Variants in TTC9 observed in about 807,000 individuals in gnomAD.
TTC9 encodes tetratricopeptide repeat protein 9A.
TTC9 carries 13 observed loss-of-function variants against 22.9 expected under a neutral mutation model. The observed-to-expected ratio is 0.57, with a 90% CI of 0.37 to 0.90. The LOEUF (loss-of-function observed/expected upper bound fraction) is 0.90, where lower values mean the gene tolerates loss of function less well. Ranked by LOEUF, TTC9 falls within the 40% of genes least tolerant of loss-of-function variation. The pLI, the probability that TTC9 is intolerant of heterozygous loss-of-function variation, is 0.01. For missense variants in TTC9, 280 were observed against 291.8 expected (o/e 0.96, Z 0.29); for synonymous variants, 148 against 133.2 (o/e 1.11, Z -0.77).
intron 2 of TTC9, among the ~76,000 whole-genome samples, chr14:70,669,618 A>T: frequency 6.6e-6 from 1 of 151,668 alleles, no homozygotes; most frequent in African/African-American, 2.4e-5. Context: ...TCCTTTCAAA[A>T]GTCTTTAAAA....
chr14:70,647,206 C>T (rs1261309540), intron 1 of TTC9, among the ~76,000 whole-genome samples: 1 of 152,196 alleles, frequency 6.6e-6, no homozygotes, highest in Non-Finnish European at 1.5e-5. Flanking sequence ...ATTTATACTT[C>T]TGTAGCTCAT....
chr14:70,646,875 C>T (rs1479148461), intron 1 of TTC9, among the ~76,000 whole-genome samples: 1 of 152,144 alleles, frequency 6.6e-6, no homozygotes, highest in African/African-American at 2.4e-5. Flanking sequence ...CTTGTGGACA[C>T]GTCTTAAAGC....
At chr14:70,667,805 T>C in intron 2 of TTC9, 59 bp downstream of exon 2, 1 of 1,503,866 alleles carries the variant, frequency 6.6e-7, no homozygotes, top group Non-Finnish European at 8.9e-7. Flanking sequence ...CCTGGGACCT[T>C]CTCATTTCAG....
chr14:70,670,720 C>T (rs1400776363), intron 2 of TTC9, among the ~76,000 whole-genome samples: 1 of 152,126 alleles, frequency 6.6e-6, no homozygotes, highest in East Asian at 1.9e-4. Flanking sequence ...GAGAAGTTGG[C>T]AACTTGCCTG....
rs1886351768 is a variant in TTC9 at position 70,675,188 on chromosome 14, CTTCT to C, written c.*4040_*4043del. The C allele has an allele frequency of 6.6e-6, 1 of 152,020 alleles. No individual in the cohort carries two copies. Among genetic ancestry groups the C allele is most frequent in the African/African-American group, 2.4e-5 (1 of 41,398 alleles). The allele number at this position is 152,020 out of a possible 1,614,324, so 9.4% of individuals were successfully genotyped here. ...TTCATATGCTTATTGACCATTTGTA[CTTCT>C]TTCTTTGTGAATTTTCTATTTATTT... On this transcript the variant is annotated 3_prime_UTR_variant, in exon 3 of 3. Coordinates refer to ENST00000256367, the MANE Select transcript of TTC9 (RefSeq NM_015351.2).
At chr14:70,670,529 G>A (rs952745335) in intron 2 of TTC9, among the ~76,000 whole-genome samples, 4 of 152,150 alleles carry the variant, frequency 2.6e-5, no homozygotes, top group African/African-American at 4.8e-5. Flanking sequence ...GCAGTGGGAT[G>A]TGTCTGTAAT....
chr14:70,652,451 AATAGTACTC>A (rs1885998912), intron 1 of TTC9, among the ~76,000 whole-genome samples: 2 of 152,346 alleles, frequency 1.3e-5, no homozygotes, highest in South Asian at 4.1e-4. Context: ...GATGGCACCA[AATAGTACTC>A]ATTGCTGCTG....
rs1023841347 is a variant in TTC9, at chr14:70,671,912, T to TTGAC, written c.*760_*763dup. Reference sequence around the variant, plus strand: ...GAAGTGGGCCAAGGTTTGGGACAGGTTGACTGTGTAGGTGACAGGGAGGGA... The same window carrying TTGAC: ...GAAGTGGGCCAAGGTTTGGGACAGGTTGACTGACTGTGTAGGTGACAGGGAGGGA... On this transcript the variant is annotated 3_prime_UTR_variant, in exon 3 of 3. Coordinates refer to ENST00000256367, the MANE Select transcript of TTC9 (RefSeq NM_015351.2). 110 of 152,566 alleles carry TTGAC rather than the reference T, an allele frequency of 7.2e-4. No individual in the cohort carries two copies. The highest frequency in any genetic ancestry group is 2.5e-3 in the African/African-American group (103 of 41,370). The allele number at this position is 152,566 out of a possible 1,614,324, so 9.5% of individuals were successfully genotyped here. A position where few individuals can be genotyped will look rare whatever the true frequency, so the allele number is the denominator to read the frequency against.
At chr14:70,651,860 C>T (rs936240599) in intron 1 of TTC9, among the ~76,000 whole-genome samples, 2 of 152,014 alleles carry the variant, frequency 1.3e-5, no homozygotes, top group Non-Finnish European at 2.9e-5. Context: ...CCAGAGCAGC[C>T]GGAGCACCCG....
At chr14:70,662,438 C>T (rs909103687) in intron 1 of TTC9, among the ~76,000 whole-genome samples, 2 of 150,012 alleles carry the variant, frequency 1.3e-5, no homozygotes, top group Non-Finnish European at 3.0e-5. Context: ...AAAAAATCCA[C>T]ACAGCAGGAA....
chr14:70,644,166 C>T (rs1231803149), intron 1 of TTC9, among the ~76,000 whole-genome samples: 1 of 152,184 alleles, frequency 6.6e-6, no homozygotes, highest in African/African-American at 2.4e-5. Context: ...TCTAGGGCTG[C>T]CAACCAGTGG....
intron 1 of TTC9, among the ~76,000 whole-genome samples, chr14:70,654,606 AAAAAAAAAAAAAAAAAT>A (rs1232373705): frequency 1.5e-5 from 2 of 133,772 alleles, no homozygotes. Flanking sequence ...AAAAAAAAAA[AAAAAAAAAAAAAAAAAT>A]TCTAATTACA....
chr14:70,668,266 G>GTCAT (rs1429245415), intron 2 of TTC9, among the ~76,000 whole-genome samples: 1 of 152,154 alleles, frequency 6.6e-6, no homozygotes, highest in African/African-American at 2.4e-5. Flanking sequence ...ATATCCACCA[G>GTCAT]TCATTCATTC....
intron 1 of TTC9, among the ~76,000 whole-genome samples, chr14:70,656,210 TACACACACACACACACACAC>T (rs34334641): frequency 3.4e-5 from 5 of 147,910 alleles, no homozygotes; most frequent in African/African-American, 1.0e-4. Context: ...TTCACCCTGA[TACACACACACACACACACAC>T]ACACACACAC....
chr14:70,662,053 C>T (rs528398559), intron 1 of TTC9, among the ~76,000 whole-genome samples: 14 of 152,336 alleles, frequency 9.2e-5, no homozygotes, highest in African/African-American at 2.9e-4. Context: ...CACAATTTGG[C>T]TGATTCCAGG....
chr14:70,644,222 G>A (rs1203934028), intron 1 of TTC9, among the ~76,000 whole-genome samples: 1 of 152,196 alleles, frequency 6.6e-6, no homozygotes, highest in Non-Finnish European at 1.5e-5. Context: ...CTTTTCCATG[G>A]TGAAATCAAA....
chr14:70,665,444 GGAGA>G (rs544244825), intron 1 of TTC9, among the ~76,000 whole-genome samples: 1 of 148,702 alleles, frequency 6.7e-6, no homozygotes, highest in Admixed American at 6.6e-5. Context: ...ATCCCACCAT[GGAGA>G]GAGAGGGAGG....
At chr14:70,666,109 G>A (rs775824532) in intron 1 of TTC9, among the ~76,000 whole-genome samples, 2 of 151,980 alleles carry the variant, frequency 1.3e-5, no homozygotes, top group Non-Finnish European at 2.9e-5. Context: ...ATGGAGGCGA[G>A]GTGGCTCAGC....
In TTC9 at chr14:70,672,175, C is replaced by T. The variant is rs1403363828; in HGVS notation, c.*1020C>T. 1 of 152,258 alleles carries T rather than the reference C, an allele frequency of 6.6e-6. No homozygotes were observed. Among genetic ancestry groups the T allele is most frequent in the Non-Finnish European group, 1.5e-5 (1 of 68,080 alleles). The allele number at this position is 152,258 out of a possible 1,614,324, so 9.4% of individuals were successfully genotyped here. A position where few individuals can be genotyped will look rare whatever the true frequency, so the allele number is the denominator to read the frequency against. ...GTCCAGTGGCAGACAATGGTGGCTA[C>T]AGCCTTTGTGCTTTTAAGAGTGGGC... is the stretch of plus-strand genomic sequence containing the variant. On this transcript the variant is annotated 3_prime_UTR_variant, in exon 3 of 3. Transcript: ENST00000256367.
Sources: allele counts gnomAD v4.1 joint callset (sites outside exome capture counted in the v4.1 genomes callset), GRCh38; gene constraint gnomAD v4.1.1; transcripts MANE v1.5; gene names NCBI Gene and HGNC (gene_info 2026-07-23, HGNC 2026-07-21).